NAALADL2: variants seen among roughly 807,000 people sequenced by gnomAD.
The protein encoded by NAALADL2 is N-acetylated alpha-linked acidic dipeptidase like 2.
A neutral mutation model predicts 87.2 loss-of-function variants in NAALADL2; 76 were observed. That is an observed-to-expected ratio of 0.87 (90% CI 0.72 to 1.05). The LOEUF (loss-of-function observed/expected upper bound fraction) is 1.05, where lower values mean the gene tolerates loss of function less well. Ranked by LOEUF, NAALADL2 falls within the 50% of genes least tolerant of loss-of-function variation. The probability of loss-of-function intolerance (pLI) is 0.00; values close to 1 mark genes in which losing one functional copy is unlikely to be tolerated. For synonymous variants in NAALADL2, 354 were observed against 331.0 expected (o/e 1.07, Z -0.75); for missense variants, 1,089 against 945.8 (o/e 1.15, Z -1.99).
rs1560252741 is a variant in NAALADL2, at chr3:175,262,140, T to C, written c.939+5610T>C. On this transcript the variant is annotated intron_variant, in intron 4 of 13. Coordinates refer to ENST00000454872, the MANE Select transcript of NAALADL2 (RefSeq NM_207015.3). ...AGAAAATATTTATATATATTGGTGA[T>C]TTACAATCAATAGTTAATGAATGGA... Among the ~76,000 whole-genome samples, 4 of 152,024 alleles carry C rather than the reference T, an allele frequency of 2.6e-5. No individual in the cohort carries two copies. In the South Asian group the frequency reaches 8.3e-4, roughly 32 times the overall value.
chr3:175,032,789 C>T (rs1276563371), intron 1 of NAALADL2, among the ~76,000 whole-genome samples: 2 of 151,998 alleles, frequency 1.3e-5, no homozygotes, highest in Admixed American at 1.3e-4. Context: ...AATTTTATTA[C>T]CAATGTAGTT....
chr3:175,118,559 C>T (rs1725647193), intron 2 of NAALADL2, among the ~76,000 whole-genome samples: 1 of 151,722 alleles, frequency 6.6e-6, no homozygotes, highest in Non-Finnish European at 1.5e-5. Context: ...GACCAGTCAG[C>T]ACATGGTATA....
intron 5 of NAALADL2, among the ~76,000 whole-genome samples, chr3:175,433,631 C>T (rs1006252291): frequency 7.2e-5 from 11 of 151,996 alleles, no homozygotes; most frequent in African/African-American, 2.4e-4. Context: ...CCTTTTGATA[C>T]ACTGAAAAAT....
At chr3:175,146,774 T>G (rs2108757616) in intron 2 of NAALADL2, among the ~76,000 whole-genome samples, 1 of 152,292 alleles carries the variant, frequency 6.6e-6, no homozygotes, top group East Asian at 1.9e-4. Context: ...GCCTTCCATG[T>G]GTGAAATTGT....
At chr3:174,445,115 A>G (rs576455676) in intron 1 of NAALADL2, among the ~76,000 whole-genome samples, 1 of 151,980 alleles carries the variant, frequency 6.6e-6, no homozygotes, top group East Asian at 1.9e-4. Context: ...GATAACCACT[A>G]TGTAAATGAC....
intron 2 of NAALADL2, among the ~76,000 whole-genome samples, chr3:174,723,801 A>G (rs1731937823): frequency 6.7e-6 from 1 of 150,004 alleles, no homozygotes; most frequent in Non-Finnish European, 1.5e-5. Context: ...TAGAAGTACA[A>G]CTTAAACTAT....
intron 1 of NAALADL2, among the ~76,000 whole-genome samples, chr3:174,877,689 G>A (rs1728677607): frequency 6.6e-6 from 1 of 152,038 alleles, no homozygotes; most frequent in Admixed American, 6.6e-5. Flanking sequence ...TTGAAGACAG[G>A]TGATGTAGAA....
chr3:174,623,170 A>G (rs1721207888), intron 2 of NAALADL2, among the ~76,000 whole-genome samples: 2 of 152,228 alleles, frequency 1.3e-5, no homozygotes, highest in African/African-American at 4.8e-5. Context: ...TTTTACTGGG[A>G]TACACAATTT....
At chr3:175,599,998 A>G (rs1295939288) in intron 10 of NAALADL2, among the ~76,000 whole-genome samples, 2 of 152,130 alleles carry the variant, frequency 1.3e-5, no homozygotes, top group African/African-American at 2.4e-5. Flanking sequence ...TTGAAATTCA[A>G]TAAAATAAAT....
chr3:175,105,218 C>T (rs1722889036), intron 2 of NAALADL2, among the ~76,000 whole-genome samples: 1 of 152,076 alleles, frequency 6.6e-6, no homozygotes, highest in Non-Finnish European at 1.5e-5. Context: ...TTCATTTCCT[C>T]CCATTTTGTT....
At chr3:175,298,823 C>T (rs1360766100) in intron 4 of NAALADL2, among the ~76,000 whole-genome samples, 1 of 152,120 alleles carries the variant, frequency 6.6e-6, no homozygotes, top group Non-Finnish European at 1.5e-5. Flanking sequence ...AAATGTACTT[C>T]TGTGAAATAC....
chr3:174,907,958 T>C (rs1733166002), intron 1 of NAALADL2, among the ~76,000 whole-genome samples: 1 of 151,746 alleles, frequency 6.6e-6, no homozygotes, highest in Admixed American at 6.6e-5. Flanking sequence ...TCAGTTGCTT[T>C]CCAGCATTAA....
chr3:174,545,034 C>T (rs1255560440), intron 1 of NAALADL2, among the ~76,000 whole-genome samples: 3 of 152,006 alleles, frequency 2.0e-5, no homozygotes, highest in African/African-American at 7.2e-5. Context: ...CATCATCATG[C>T]CTGACTAATT....
chr3:175,156,924 T>C (rs10513730), intron 2 of NAALADL2, among the ~76,000 whole-genome samples: 55,103 of 151,908 alleles, frequency 0.36, 11,335 homozygotes, highest in East Asian at 0.58. Flanking sequence ...GTCGAACATA[T>C]TGTCTTAACT....
At chr3:174,673,158 C>T (rs1333298212) in intron 2 of NAALADL2, among the ~76,000 whole-genome samples, 1 of 151,980 alleles carries the variant, frequency 6.6e-6, no homozygotes, top group African/African-American at 2.4e-5. Flanking sequence ...GGAATAATTT[C>T]AACTTATTCA....
At chr3:174,812,070 C>T (rs73051871) in intron 3 of NAALADL2, among the ~76,000 whole-genome samples, 15,566 of 152,122 alleles carry the variant, frequency 0.1, 900 homozygotes, top group African/African-American at 0.15. Flanking sequence ...GCAGATGCTG[C>T]CCTACTTTGT....
At chr3:174,569,399 A>G (rs1714662444) in intron 2 of NAALADL2, among the ~76,000 whole-genome samples, 1 of 152,034 alleles carries the variant, frequency 6.6e-6, no homozygotes, top group African/African-American at 2.4e-5. Flanking sequence ...CACCCCTCCT[A>G]TGTGTACAGT....
Position 175,087,449 on chromosome 3 carries a change from G to A in NAALADL2, c.44-9341G>A, listed in dbSNP as rs938157068. Among the ~76,000 whole-genome samples, 23 of 152,194 alleles carry A rather than the reference G, an allele frequency of 1.5e-4. 1 individual carries two copies. The highest frequency in any genetic ancestry group is 4.1e-4 in the South Asian group (2 of 4,834). ...GAGAACGGGCCATGATGACGATGGC[G>A]GTTTTGTCGAATAGAAAAAGGGGGA... On this transcript the variant is annotated intron_variant, in intron 1 of 13. Transcript: ENST00000454872.
intron 4 of NAALADL2, among the ~76,000 whole-genome samples, chr3:175,288,057 C>A (rs959846630): frequency 6.6e-6 from 1 of 152,050 alleles, no homozygotes; most frequent in African/African-American, 2.4e-5. Flanking sequence ...ATGTTTAATT[C>A]GTCAGGATTC....
Sources: gnomAD v4.1 joint callset for allele counts (sites outside exome capture counted in the v4.1 genomes callset) on GRCh38, gnomAD v4.1.1 for gene constraint, MANE v1.5 for transcripts, NCBI Gene and HGNC (gene_info 2026-07-23, HGNC 2026-07-21) for gene names.